Variants in SNX2 observed in about 807,000 individuals in gnomAD.
SNX2 encodes the protein sorting nexin-2.
A neutral mutation model predicts 69.9 loss-of-function variants in SNX2; 25 were observed. The observed-to-expected ratio is 0.36, with a 90% confidence interval of 0.26 to 0.50. SNX2 has a LOEUF of 0.50. Among genes scored for constraint, SNX2 ranks in the 20% least tolerant of loss-of-function variants. The pLI is 0.97. For synonymous variants in SNX2, 229 were observed against 200.4 expected (o/e 1.14, Z -1.20); for missense variants, 551 against 613.3 (o/e 0.90, Z 1.07).
At chr5:122,826,602 A>G (rs1350694636) in intron 12 of SNX2, 3 of 829,956 alleles carry the variant, frequency 3.6e-6, no homozygotes, top group East Asian at 1.2e-4. Context: ...TAAGTTTATT[A>G]TAATTTATAC....
intron 1 of SNX2, among the ~76,000 whole-genome samples, chr5:122,785,786 G>C (rs1189408348): frequency 6.6e-6 from 1 of 152,020 alleles, no homozygotes; most frequent in Non-Finnish European, 1.5e-5. Context: ...TTTGTTTTAT[G>C]GCCCAGAACA....
At chr5:122,825,779 T>A (rs769016477) in intron 11 of SNX2, among the ~76,000 whole-genome samples, 70 of 152,104 alleles carry the variant, frequency 4.6e-4, no homozygotes, top group Non-Finnish European at 1.6e-4. Flanking sequence ...TAAACCATAT[T>A]TAAAGCCCTA....
At chr5:122,829,002 C>T (rs550447155) in intron 14 of SNX2, among the ~76,000 whole-genome samples, 88 of 151,914 alleles carry the variant, frequency 5.8e-4, no homozygotes, top group Non-Finnish European at 1.1e-3. Context: ...ACCTGTAATC[C>T]CAGCTACTCA....
intron 7 of SNX2, among the ~76,000 whole-genome samples, chr5:122,809,982 A>G (rs1753733063): frequency 6.6e-6 from 1 of 152,130 alleles, no homozygotes; most frequent in South Asian, 2.1e-4. Context: ...TTTAAGAATA[A>G]AGGTAAATCG....
chr5:122,777,291 G>A (rs914002157), intron 1 of SNX2, among the ~76,000 whole-genome samples: 21 of 152,266 alleles, frequency 1.4e-4, no homozygotes, highest in African/African-American at 5.1e-4. Context: ...TTGTTGAAGT[G>A]CAAATTCGGA....
intron 7 of SNX2, among the ~76,000 whole-genome samples, chr5:122,814,209 A>G (rs773047550): frequency 2.0e-5 from 3 of 152,232 alleles, no homozygotes; most frequent in African/African-American, 4.8e-5. Flanking sequence ...AGTAGTACTC[A>G]GTCTAAACAA....
intron 6 of SNX2, among the ~76,000 whole-genome samples, chr5:122,805,854 C>T (rs1409720744): frequency 6.6e-6 from 1 of 152,128 alleles, no homozygotes; most frequent in Non-Finnish European, 1.5e-5. Flanking sequence ...TATCTTGGCT[C>T]ACTGCAAGCT....
chr5:122,783,754 C>G (rs1000623128), intron 1 of SNX2, among the ~76,000 whole-genome samples: 1 of 152,068 alleles, frequency 6.6e-6, no homozygotes, highest in Non-Finnish European at 1.5e-5. Flanking sequence ...TATTCTAGTT[C>G]TTTTGCTTTT....
chr5:122,814,276 A>C (rs1753850832), intron 7 of SNX2, among the ~76,000 whole-genome samples: 1 of 152,190 alleles, frequency 6.6e-6, no homozygotes, highest in Admixed American at 6.6e-5. Flanking sequence ...TTGTAAGTCA[A>C]ATTCAAGTGG....
chr5:122,788,903 GT>G (rs1249542620), intron 1 of SNX2, among the ~76,000 whole-genome samples: 1 of 151,998 alleles, frequency 6.6e-6, no homozygotes, highest in Non-Finnish European at 1.5e-5. Flanking sequence ...CAACATCTGG[GT>G]TATTTCTAGG....
chr5:122,795,045 T>G (rs1753346406), intron 1 of SNX2, among the ~76,000 whole-genome samples: 1 of 151,888 alleles, frequency 6.6e-6, no homozygotes, highest in African/African-American at 2.4e-5. Flanking sequence ...AAAAAAAAGG[T>G]TTTCTTTTTT....
At chr5:122,826,244 C>T in intron 12 of SNX2, 51 bp downstream of exon 12, 2 of 1,475,768 alleles carry the variant, frequency 1.4e-6, no homozygotes, top group Non-Finnish European at 1.8e-6. Flanking sequence ...ATGAGTCATT[C>T]ATATATACAT....
chr5:122,782,903 C>T (rs147667030), intron 1 of SNX2, among the ~76,000 whole-genome samples: 2,423 of 151,878 alleles, frequency 0.016, 27 homozygotes, highest in Non-Finnish European at 0.021. Context: ...TTTTCCCAGT[C>T]GGTGACTTGT....
chr5:122,814,630 G>C (rs2150013518), intron 7 of SNX2, among the ~76,000 whole-genome samples: 1 of 152,052 alleles, frequency 6.6e-6, no homozygotes, highest in African/African-American at 2.4e-5. Context: ...CTTATAAAAA[G>C]GTAGAAGAAA....
rs1387796099 is a variant in SNX2, at chr5:122,830,673, T to G, written c.*1025T>G. On this transcript the variant is annotated 3_prime_UTR_variant, in exon 15 of 15. Transcript: ENST00000379516. ...GGGCAATGTTTTTACCCATTCTGTA[T>G]GCTACTTAGACAGCTGTTATCTAAT... 1.3e-5 allele frequency among the ~76,000 whole-genome samples: 2 copies of G among 152,188 alleles called. No homozygotes were observed. The highest frequency in any genetic ancestry group is 4.8e-5 in the African/African-American group (2 of 41,442).
chr5:122,801,021 G>A (rs766355385), intron 3 of SNX2, among the ~76,000 whole-genome samples: 8 of 151,936 alleles, frequency 5.3e-5, no homozygotes, highest in Non-Finnish European at 1.2e-4. Context: ...GCTTTCCTTC[G>A]CGTCCAGAAG....
intron 7 of SNX2, among the ~76,000 whole-genome samples, chr5:122,812,805 AAGTG>A (rs1013320615): frequency 6.6e-6 from 1 of 152,196 alleles, no homozygotes; most frequent in African/African-American, 2.4e-5. Context: ...CTGAATGAAC[AAGTG>A]AATGTTATCC....
chr5:122,830,968 C>T lies in SNX2; in HGVS notation c.*1320C>T, dbSNP rs947244470. Reference sequence around the variant, plus strand: ...AGGTTGCAGTGAGCCAAGATCATGCCGTTGCACGCCAGCCTAGGCAACAAA... The same window carrying T: ...AGGTTGCAGTGAGCCAAGATCATGCTGTTGCACGCCAGCCTAGGCAACAAA... On this transcript the variant is annotated 3_prime_UTR_variant, in exon 15 of 15. Transcript: ENST00000379516. Among the ~76,000 whole-genome samples the T allele has an allele frequency of 4.5e-5, 6 of 132,618 alleles. No individual in the cohort carries two copies. The highest frequency in any genetic ancestry group is 2.7e-4 in the Admixed American group (3 of 11,224). 87.0% of individuals were successfully genotyped at this position (132,618 alleles called of 152,430 possible).
At chr5:122,816,072 A>T (rs1753895461) in intron 8 of SNX2, 101 bp downstream of exon 8, 2 of 515,940 alleles carry the variant, frequency 3.9e-6, no homozygotes, top group Admixed American at 4.0e-5. Context: ...AATAGATGGA[A>T]TAAAGCAATT....
Sources: allele counts gnomAD v4.1 joint callset (sites outside exome capture counted in the v4.1 genomes callset), GRCh38; gene constraint gnomAD v4.1.1; transcripts MANE v1.5; gene names NCBI Gene and HGNC (gene_info 2026-07-23, HGNC 2026-07-21).